DLG2: variants seen among roughly 807,000 people sequenced by gnomAD.
DLG2 encodes the protein discs large MAGUK scaffold protein 2.
In DLG2, 45 loss-of-function variants were observed where a neutral mutation model predicts 132.5. That is an observed-to-expected ratio of 0.34 (90% confidence interval 0.27 to 0.44). The LOEUF (loss-of-function observed/expected upper bound fraction) is 0.44. Ranked by LOEUF, DLG2 falls within the 20% of genes least tolerant of loss-of-function variation. DLG2 has a pLI of 1.00. For synonymous variants in DLG2, 424 were observed against 419.6 expected (o/e 1.01, Z -0.13); for missense variants, 1,045 against 1,196.9 (o/e 0.87, Z 1.87).
chr11:85,020,983 G>A, intron 6 of DLG2: 1 of 778,624 alleles, frequency 1.3e-6, no homozygotes, highest in Non-Finnish European at 2.4e-6. Flanking sequence ...CTGCTGCTCT[G>A]CTCCTCTTCT....
chr11:84,675,573 T>C (rs1333472770), intron 6 of DLG2, among the ~76,000 whole-genome samples: 2 of 152,080 alleles, frequency 1.3e-5, no homozygotes, highest in Admixed American at 1.3e-4. Flanking sequence ...CTAGTTTACC[T>C]CCACCCAGTG....
intron 3 of DLG2, among the ~76,000 whole-genome samples, chr11:85,332,204 C>T (rs2152841426): frequency 6.6e-6 from 1 of 152,260 alleles, no homozygotes; most frequent in Middle Eastern, 3.4e-3. Context: ...AAATGAGTTT[C>T]TATCATGATT....
chr11:84,384,079 G>C (rs764418481), intron 7 of DLG2, among the ~76,000 whole-genome samples: 3 of 142,908 alleles, frequency 2.1e-5, no homozygotes, highest in Admixed American at 7.1e-5. Flanking sequence ...TCTAGTATAG[G>C]AAGCTCTCGA....
At chr11:85,571,953 C>T (rs570618473) in intron 3 of DLG2, among the ~76,000 whole-genome samples, 211 of 152,190 alleles carry the variant, frequency 1.4e-3, no homozygotes, top group Non-Finnish European at 2.5e-3. Flanking sequence ...AGCAGAAATG[C>T]AGGTTTTATT....
chr11:85,427,381 G>T (rs1345587026), intron 3 of DLG2, among the ~76,000 whole-genome samples: 1 of 152,192 alleles, frequency 6.6e-6, no homozygotes, highest in East Asian at 1.9e-4. Context: ...AGAGAGAAAG[G>T]TCAGGTTACC....
intron 6 of DLG2, among the ~76,000 whole-genome samples, chr11:85,012,427 G>A (rs1011113486): frequency 1.3e-5 from 2 of 151,628 alleles, no homozygotes; most frequent in Non-Finnish European, 2.9e-5. Context: ...GGGAGGCTGA[G>A]GCAGGAGAAT....
At chr11:83,753,938 A>G (rs770601660) in intron 18 of DLG2, among the ~76,000 whole-genome samples, 10 of 142,238 alleles carry the variant, frequency 7.0e-5, no homozygotes, top group Admixed American at 1.4e-4. Flanking sequence ...TGTCTATTTC[A>G]TAGCTTTAAA....
At chr11:84,828,071 C>T (rs924031367) in intron 6 of DLG2, among the ~76,000 whole-genome samples, 5 of 151,570 alleles carry the variant, frequency 3.3e-5, no homozygotes, top group Non-Finnish European at 5.9e-5. Flanking sequence ...TTTGACATGG[C>T]GGTGGAAACG....
intron 3 of DLG2, among the ~76,000 whole-genome samples, chr11:85,460,600 T>C (rs747164430): frequency 2.6e-5 from 4 of 152,202 alleles, no homozygotes; most frequent in Admixed American, 6.5e-5. Flanking sequence ...GAAGATACAG[T>C]AGTTAATCAC....
intron 18 of DLG2, among the ~76,000 whole-genome samples, chr11:83,725,768 A>G (rs1394662878): frequency 6.6e-6 from 1 of 152,206 alleles, no homozygotes; most frequent in Non-Finnish European, 1.5e-5. Flanking sequence ...GATGTGTGCT[A>G]TATATGCATT....
At chr11:84,565,771 G>A (rs1474809939) in intron 6 of DLG2, among the ~76,000 whole-genome samples, 2 of 151,968 alleles carry the variant, frequency 1.3e-5, no homozygotes, top group African/African-American at 4.8e-5. Context: ...GTATTCACGT[G>A]AGCTTCCCCT....
intron 5 of DLG2, among the ~76,000 whole-genome samples, chr11:85,122,814 C>T (rs2074483560): frequency 6.7e-6 from 1 of 150,134 alleles, no homozygotes; most frequent in South Asian, 2.1e-4. Flanking sequence ...TTGTGATATA[C>T]ATGCAAATTA....
chr11:84,549,012 T>C (rs1318253481), intron 6 of DLG2, among the ~76,000 whole-genome samples: 1 of 152,232 alleles, frequency 6.6e-6, no homozygotes, highest in Non-Finnish European at 1.5e-5. Context: ...TGCTTTGTTG[T>C]ACTGGAGAAG....
chr11:85,414,413 T>C (rs562162711), intron 3 of DLG2, among the ~76,000 whole-genome samples: 1 of 151,998 alleles, frequency 6.6e-6, no homozygotes, highest in Non-Finnish European at 1.5e-5. Flanking sequence ...CTGATTGCTC[T>C]GGCTAGGGCT....
At chr11:84,105,472 G>A (rs2092838425) in intron 9 of DLG2, among the ~76,000 whole-genome samples, 1 of 152,170 alleles carries the variant, frequency 6.6e-6, no homozygotes, top group Admixed American at 6.6e-5. Flanking sequence ...GCATAGCACT[G>A]TTTAAAGGGT....
intron 6 of DLG2, among the ~76,000 whole-genome samples, chr11:84,571,865 G>T (rs2099485950): frequency 6.6e-6 from 1 of 152,014 alleles, no homozygotes. Flanking sequence ...GAGAACATTT[G>T]GGGTTTAATA....
chr11:85,020,869 G>A, intron 6 of DLG2: 1 of 762,470 alleles, frequency 1.3e-6, no homozygotes, highest in Non-Finnish European at 2.4e-6. Flanking sequence ...TCATCCAGTA[G>A]GTCCCCCTCC....
At chr11:83,806,553 G>C (rs553933019) in intron 17 of DLG2, among the ~76,000 whole-genome samples, 20 of 152,150 alleles carry the variant, frequency 1.3e-4, no homozygotes, top group Non-Finnish European at 2.8e-4. Context: ...GATGTTCTGT[G>C]ATTTGCTTTC....
intron 19 of DLG2, among the ~76,000 whole-genome samples, chr11:83,552,911 C>G (rs2096427761): frequency 6.6e-6 from 1 of 152,190 alleles, no homozygotes. Flanking sequence ...CTGAATCTAT[C>G]AAGAGAAGGC....
Sources: gnomAD v4.1 joint callset for allele counts (sites outside exome capture counted in the v4.1 genomes callset) on GRCh38, gnomAD v4.1.1 for gene constraint, MANE v1.5 for transcripts, NCBI Gene and HGNC (gene_info 2026-07-23, HGNC 2026-07-21) for gene names.